The following NPSR1 variants were observed in gnomAD, a reference collection of about 807,000 sequenced individuals.
NPSR1 encodes neuropeptide S receptor 1.
In NPSR1, 48 loss-of-function variants were observed where a neutral mutation model predicts 46.9. That is an observed-to-expected ratio of 1.02 (90% confidence interval 0.81 to 1.30). NPSR1 has a LOEUF of 1.30. Ranked by LOEUF, NPSR1 falls within the 50% of genes most tolerant of loss-of-function variation. The pLI is 0.00. For synonymous variants in NPSR1, 176 were observed against 168.1 expected (o/e 1.05, Z -0.36); for missense variants, 450 against 449.5 (o/e 1.00, Z -0.01).
intron 2 of NPSR1, among the ~76,000 whole-genome samples, chr7:34,759,006 GAA>G (rs1378661557): frequency 6.6e-6 from 1 of 152,152 alleles, no homozygotes; most frequent in East Asian, 1.9e-4. Flanking sequence ...GTTTCCTTCT[GAA>G]TAGATTAAGG....
intron 1 of NPSR1, among the ~76,000 whole-genome samples, chr7:34,666,803 T>G (rs1052410764): frequency 6.6e-6 from 1 of 152,154 alleles, no homozygotes; most frequent in Non-Finnish European, 1.5e-5. Context: ...GATCTGCCCA[T>G]GGTTTTTGTC....
chr7:34,843,896 C>T (rs1434194367), intron 6 of NPSR1, among the ~76,000 whole-genome samples: 7 of 152,230 alleles, frequency 4.6e-5, no homozygotes, highest in Non-Finnish European at 1.0e-4. Flanking sequence ...GGGTTGTGCC[C>T]ATTGAGCCCC....
intron 2 of NPSR1, among the ~76,000 whole-genome samples, chr7:34,702,666 A>G (rs932370964): frequency 6.6e-6 from 1 of 152,290 alleles, no homozygotes; most frequent in South Asian, 2.1e-4. Flanking sequence ...ATAAGTTCCT[A>G]TTGCTGGCTG....
At chr7:34,836,830 T>A (rs926037327) in intron 6 of NPSR1, among the ~76,000 whole-genome samples, 1 of 152,090 alleles carries the variant, frequency 6.6e-6, no homozygotes, top group Non-Finnish European at 1.5e-5. Flanking sequence ...GATCTGAATA[T>A]CCTACAATGA....
At chr7:34,859,139 A>G (rs1458037319) in intron 8 of NPSR1, among the ~76,000 whole-genome samples, 1 of 151,664 alleles carries the variant, frequency 6.6e-6, no homozygotes, top group Non-Finnish European at 1.5e-5. Context: ...CAGCTGAAAG[A>G]TCCTTCTCTG....
At chr7:34,844,062 C>T (rs1228505237) in intron 6 of NPSR1, among the ~76,000 whole-genome samples, 1 of 152,238 alleles carries the variant, frequency 6.6e-6, no homozygotes, top group Non-Finnish European at 1.5e-5. Flanking sequence ...GAAGCCCTGA[C>T]AGTAGAAACT....
chr7:34,862,939 G>A (rs1414090220), intron 8 of NPSR1, among the ~76,000 whole-genome samples: 1 of 151,688 alleles, frequency 6.6e-6, no homozygotes. Context: ...ACGACATTAA[G>A]ATACTACAGC....
At chr7:34,759,278 C>A (rs1457553023) in intron 2 of NPSR1, among the ~76,000 whole-genome samples, 1 of 152,086 alleles carries the variant, frequency 6.6e-6, no homozygotes, top group Non-Finnish European at 1.5e-5. Flanking sequence ...ATAAAGGTTT[C>A]CAAATGATGA....
At chr7:34,808,269 C>T (rs1446280139) in intron 3 of NPSR1, among the ~76,000 whole-genome samples, 5 of 152,008 alleles carry the variant, frequency 3.3e-5, no homozygotes, top group South Asian at 2.1e-4. Flanking sequence ...CAGAGCTGTG[C>T]GAGAATAAAT....
intron 2 of NPSR1, among the ~76,000 whole-genome samples, chr7:34,757,726 C>T (rs1443976651): frequency 1.3e-5 from 2 of 152,174 alleles, no homozygotes; most frequent in Non-Finnish European, 2.9e-5. Context: ...AACCTCGGCC[C>T]AACCCTCCAG....
chr7:34,683,365 TG>T (rs1022613921), intron 1 of NPSR1, among the ~76,000 whole-genome samples: 1 of 150,512 alleles, frequency 6.6e-6, no homozygotes, highest in Non-Finnish European at 1.5e-5. Context: ...GAGAATGGCA[TG>T]AACCTGGGAG....
At chr7:34,658,799 A>C (rs1275405281) in intron 1 of NPSR1, among the ~76,000 whole-genome samples, 3 of 152,188 alleles carry the variant, frequency 2.0e-5, no homozygotes, top group Non-Finnish European at 4.4e-5. Context: ...AAATGTGTGA[A>C]TCGTGAGTAA....
chr7:34,830,712 A>G (rs1444939359), intron 5 of NPSR1, among the ~76,000 whole-genome samples: 3 of 152,224 alleles, frequency 2.0e-5, no homozygotes, highest in Non-Finnish European at 4.4e-5. Flanking sequence ...AAAAAGCACA[A>G]ATAACTAACT....
At chr7:34,869,923 G>A (rs1791410847) in intron 8 of NPSR1, among the ~76,000 whole-genome samples, 1 of 151,728 alleles carries the variant, frequency 6.6e-6, no homozygotes, top group Admixed American at 6.6e-5. Flanking sequence ...CAACCTGGGT[G>A]GGAATATTTA....
At chr7:34,705,018 T>C (rs1172760576) in intron 2 of NPSR1, among the ~76,000 whole-genome samples, 1 of 152,206 alleles carries the variant, frequency 6.6e-6, no homozygotes, top group Non-Finnish European at 1.5e-5. Flanking sequence ...GCATTATTTG[T>C]ACTTATTCTT....
Position 34,750,813 on chromosome 7 carries a change from G to A in NPSR1, c.281-27649G>A, listed in dbSNP as rs1785480427. The A allele has an allele frequency of 1.0e-5, 7 of 693,408 alleles. No homozygotes were observed. In the Admixed American group the frequency reaches 1.1e-4, roughly 11 times the overall value. 43.0% of individuals were successfully genotyped at this position (693,408 alleles called of 1,614,324 possible). A position where few individuals can be genotyped will look rare whatever the true frequency, so the allele number is the denominator to read the frequency against. On this transcript the variant is annotated intron_variant, in intron 2 of 8. Coordinates refer to ENST00000360581, the MANE Select transcript of NPSR1 (RefSeq NM_207172.2). ...TGCACCTGCTCAGTTTAGGCTGTGT[G>A]GAACCGCTGACACAGCTTTTCCACC... is the stretch of plus-strand genomic sequence containing the variant.
At position 34,751,486 on chromosome 7, in the gene NPSR1, G is replaced by T. The variant is rs182110389; in HGVS notation, c.281-26976G>T. 4 of 1,283,784 alleles carry T rather than the reference G, an allele frequency of 3.1e-6. No individual in the cohort carries two copies. In the African/African-American group the frequency reaches 5.8e-5, roughly 19 times the overall value. The allele number at this position is 1,283,784 out of a possible 1,614,324, so 79.5% of individuals were successfully genotyped here. A position where few individuals can be genotyped will look rare whatever the true frequency, so the allele number is the denominator to read the frequency against. ...GAAGCCGCGGATTAGTTCTGCCTCCGTGTCATCTGCTGCCCCAACCAGCCC... is the reference window on the plus strand; with the variant it reads ...GAAGCCGCGGATTAGTTCTGCCTCCTTGTCATCTGCTGCCCCAACCAGCCC... On this transcript the variant is annotated intron_variant, in intron 2 of 8. Coordinates refer to ENST00000360581, the MANE Select transcript of NPSR1 (RefSeq NM_207172.2).
At chr7:34,738,757 T>A (rs1784801682) in intron 2 of NPSR1, among the ~76,000 whole-genome samples, 1 of 152,202 alleles carries the variant, frequency 6.6e-6, no homozygotes, top group African/African-American at 2.4e-5. Context: ...AAAATTTATA[T>A]AACATATCAT....
chr7:34,757,627 T>C (rs1785933837), intron 2 of NPSR1, among the ~76,000 whole-genome samples: 1 of 152,182 alleles, frequency 6.6e-6, no homozygotes, highest in South Asian at 2.1e-4. Flanking sequence ...AAGCCCAGCC[T>C]GTTCTTACAC....
Sources: allele counts gnomAD v4.1 joint callset (sites outside exome capture counted in the v4.1 genomes callset), GRCh38; gene constraint gnomAD v4.1.1; transcripts MANE v1.5; gene names NCBI Gene and HGNC (gene_info 2026-07-23, HGNC 2026-07-21).